IGSF21: variants seen among roughly 807,000 people sequenced by gnomAD.
IGSF21 encodes immunoglobulin superfamily member 21.
Under a neutral mutation model 46.8 loss-of-function variants are expected in IGSF21, and 28 were observed. The observed-to-expected ratio is 0.60, with a 90% CI of 0.44 to 0.82. The LOEUF (loss-of-function observed/expected upper bound fraction) is 0.82. IGSF21 is among the 40% of genes least tolerant of loss of function. The pLI is 0.00. For synonymous variants in IGSF21, 284 were observed against 273.6 expected (o/e 1.04, Z -0.38); for missense variants, 624 against 665.5 (o/e 0.94, Z 0.69).
intron 2 of IGSF21, among the ~76,000 whole-genome samples, chr1:18,235,189 C>A (rs1206622643): frequency 6.6e-6 from 1 of 152,176 alleles, no homozygotes; most frequent in African/African-American, 2.4e-5. Flanking sequence ...ATGACAGTGA[C>A]GCACTCAACC....
intron 4 of IGSF21, among the ~76,000 whole-genome samples, chr1:18,352,114 G>A (rs1231833291): frequency 2.0e-5 from 3 of 152,192 alleles, no homozygotes; most frequent in African/African-American, 7.2e-5. Flanking sequence ...TATAGGGCCA[G>A]GGAGGCTCCA....
At chr1:18,279,222 C>T (rs181726645) in intron 2 of IGSF21, among the ~76,000 whole-genome samples, 60 of 152,320 alleles carry the variant, frequency 3.9e-4, no homozygotes, top group African/African-American at 1.1e-3. Flanking sequence ...GTAGCCATCA[C>T]CCTATGTTAA....
chr1:18,291,531 C>T (rs1427488071), intron 2 of IGSF21, among the ~76,000 whole-genome samples: 2 of 152,214 alleles, frequency 1.3e-5, no homozygotes, highest in Non-Finnish European at 2.9e-5. Context: ...CATTTTTCTT[C>T]GCAGCCTCTT....
At chr1:18,325,593 G>A (rs912033263) in intron 3 of IGSF21, among the ~76,000 whole-genome samples, 3 of 152,144 alleles carry the variant, frequency 2.0e-5, no homozygotes, top group African/African-American at 7.2e-5. Context: ...AAGAACATCA[G>A]CTATTTTTGA....
intron 2 of IGSF21, among the ~76,000 whole-genome samples, chr1:18,243,299 C>A (rs894351895): frequency 4.6e-5 from 7 of 152,148 alleles, no homozygotes; most frequent in Non-Finnish European, 8.8e-5. Flanking sequence ...CCTCAGCGAA[C>A]GGCATCACCA....
At chr1:18,214,293 T>G (rs528640455) in intron 1 of IGSF21, among the ~76,000 whole-genome samples, 4 of 152,152 alleles carry the variant, frequency 2.6e-5, no homozygotes, top group Non-Finnish European at 5.9e-5. Context: ...CACCGGGGAC[T>G]GCTCCCTGCA....
At chr1:18,116,486 G>A (rs765243192) in intron 1 of IGSF21, among the ~76,000 whole-genome samples, 2 of 152,244 alleles carry the variant, frequency 1.3e-5, no homozygotes, top group Non-Finnish European at 2.9e-5. Flanking sequence ...ACACATGAGA[G>A]CTTTTGGCAT....
intron 1 of IGSF21, among the ~76,000 whole-genome samples, chr1:18,136,775 A>T (rs530466278): frequency 0.047 from 7,146 of 152,056 alleles, 552 homozygotes; most frequent in African/African-American, 0.16. Context: ...TTAAAGTAGT[A>T]TTTTCCAATT....
At position 18,369,712 on chromosome 1, in the gene IGSF21, G is replaced by A. The variant is rs114278193; in HGVS notation, c.1015+4015G>A. ...CAAGGATTTTGAAGATCAGGCCAAC[G>A]AGGGTGGGATGTGTCTCCCTGCAAT... On this transcript the variant is annotated intron_variant, in intron 6 of 9. Coordinates refer to ENST00000251296, the MANE Select transcript of IGSF21 (RefSeq NM_032880.5). Among the ~76,000 whole-genome samples the A allele has an allele frequency of 9.2e-3, 1,407 of 152,296 alleles. 18 individuals are homozygous for A. The highest frequency in any genetic ancestry group is 0.032 in the African/African-American group (1,340 of 41,558).
At chr1:18,318,465 CGT>C (rs60257732) in intron 3 of IGSF21, among the ~76,000 whole-genome samples, 19,357 of 148,608 alleles carry the variant, frequency 0.13, 1,506 homozygotes, top group African/African-American at 0.22. Flanking sequence ...TGCGTGCGTG[CGT>C]GTGTGTGTGT....
Position 18,374,599 on chromosome 1 carries a change from T to G in IGSF21, c.1016-1711T>G, listed in dbSNP as rs185946292. Among the ~76,000 whole-genome samples the G allele has an allele frequency of 5.9e-5, 9 of 151,648 alleles. No individual in the cohort carries two copies. In the East Asian group the frequency reaches 1.7e-3, roughly 29 times the overall value. On this transcript the variant is annotated intron_variant, in intron 6 of 9. Coordinates refer to ENST00000251296, the MANE Select transcript of IGSF21 (RefSeq NM_032880.5). ...CTTCCCAGCGATTCCCTCTCCTTGG[T>G]GCAAGCCCTGCTCTTCCCACGGATG... is the stretch of plus-strand genomic sequence containing the variant.
chr1:18,259,087 A>C (rs557055739), intron 2 of IGSF21, among the ~76,000 whole-genome samples: 1 of 152,322 alleles, frequency 6.6e-6, no homozygotes, highest in South Asian at 2.1e-4. Flanking sequence ...CCTTTAGGTG[A>C]ATAAATAAAA....
At chr1:18,154,936 G>T (rs4920444) in intron 1 of IGSF21, among the ~76,000 whole-genome samples, 9,052 of 151,966 alleles carry the variant, frequency 0.06, 392 homozygotes, top group Non-Finnish European at 0.094. Flanking sequence ...GTGAATCCAG[G>T]GAGGGCAGAC....
At chr1:18,232,280 AT>A (rs2084636108) in intron 2 of IGSF21, among the ~76,000 whole-genome samples, 2 of 148,024 alleles carry the variant, frequency 1.4e-5, no homozygotes. Context: ...CTAATAACTA[AT>A]CTACCCTAGC....
chr1:18,216,361 T>C lies in IGSF21; in HGVS notation c.71-11537T>C, dbSNP rs575900751. Among the ~76,000 whole-genome samples, 44 of 152,300 alleles carry C rather than the reference T, an allele frequency of 2.9e-4. 1 individual carries two copies. The South Asian group carries it at 6.6e-3, about 23-fold the overall frequency. ...AGCTCATAAGGGACTCAGTTGGCCATGACAGTCTGAACTTTATCCTGAATT... is the reference window on the plus strand; with the variant it reads ...AGCTCATAAGGGACTCAGTTGGCCACGACAGTCTGAACTTTATCCTGAATT... On this transcript the variant is annotated intron_variant, in intron 1 of 9. Transcript: ENST00000251296.
chr1:18,315,468 C>A (rs778523672), intron 3 of IGSF21, among the ~76,000 whole-genome samples: 8 of 152,206 alleles, frequency 5.3e-5, no homozygotes, highest in Non-Finnish European at 8.8e-5. Flanking sequence ...TCACTGTTAT[C>A]TTCCTAGTAA....
intron 1 of IGSF21, among the ~76,000 whole-genome samples, chr1:18,127,061 C>T (rs1233354474): frequency 6.6e-6 from 1 of 152,208 alleles, no homozygotes; most frequent in Non-Finnish European, 1.5e-5. Flanking sequence ...GCTCATGTTC[C>T]ATCTACCAGT....
At chr1:18,339,124 A>G (rs561598893) in intron 4 of IGSF21, among the ~76,000 whole-genome samples, 1 of 152,324 alleles carries the variant, frequency 6.6e-6, no homozygotes, top group Admixed American at 6.5e-5. Context: ...TTCAACCCAC[A>G]GTTAATACCT....
intron 2 of IGSF21, among the ~76,000 whole-genome samples, chr1:18,228,583 G>C (rs2084592801): frequency 6.6e-6 from 1 of 152,116 alleles, no homozygotes; most frequent in Admixed American, 6.5e-5. Flanking sequence ...TGAGCACAAG[G>C]GGCCTTTTCA....
Sources: gnomAD v4.1 joint callset for allele counts (sites outside exome capture counted in the v4.1 genomes callset) on GRCh38, gnomAD v4.1.1 for gene constraint, MANE v1.5 for transcripts, NCBI Gene and HGNC (gene_info 2026-07-23, HGNC 2026-07-21) for gene names.